The following CNTNAP2 variants were observed in gnomAD, a reference collection of about 807,000 sequenced individuals.
CNTNAP2 encodes the protein contactin-associated protein-like 2.
Under a neutral mutation model 155.2 loss-of-function variants are expected in CNTNAP2, and 98 were observed. The observed-to-expected ratio is 0.63, with a 90% CI of 0.54 to 0.75. The LOEUF (loss-of-function observed/expected upper bound fraction) is 0.75, where lower values mean the gene tolerates loss of function less well. Among genes scored for constraint, CNTNAP2 ranks in the 30% least tolerant of loss-of-function variants. CNTNAP2 has a pLI of 0.00. For missense variants in CNTNAP2, 1,727 were observed against 1,688.1 expected, an observed-to-expected ratio of 1.02 and a Z score of -0.40; for synonymous variants, 651 against 631.2, an observed-to-expected ratio of 1.03 and a Z score of -0.47.
At chr7:146,536,092 A>C (rs540052481) in intron 1 of CNTNAP2, among the ~76,000 whole-genome samples, 1 of 152,142 alleles carries the variant, frequency 6.6e-6, no homozygotes, top group South Asian at 2.1e-4. Context: ...ATAATGAGAA[A>C]AAAGCAGACA....
At position 147,357,527 on chromosome 7, in the gene CNTNAP2, A is replaced by T. The variant is rs111808625; in HGVS notation, c.1499-38082A>T. ...TACTGAAATGAGTAATATTTTAATA[A>T]TTTTTTTTTGCCCTTTCTTCTTCCA... On this transcript the variant is annotated intron_variant, in intron 9 of 23. Coordinates refer to ENST00000361727, the MANE Select transcript of CNTNAP2 (RefSeq NM_014141.6). Among the ~76,000 whole-genome samples, 231 of 151,456 alleles carry T rather than the reference A, an allele frequency of 1.5e-3. 2 individuals are homozygous for T. The highest frequency in any genetic ancestry group is 5.3e-3 in the African/African-American group (220 of 41,328).
intron 14 of CNTNAP2, among the ~76,000 whole-genome samples, chr7:147,912,276 C>T (rs1433722475): frequency 1.3e-5 from 2 of 152,136 alleles, no homozygotes; most frequent in African/African-American, 4.8e-5. Flanking sequence ...TACACCCAAG[C>T]ACACACAGAT....
In CNTNAP2 at chr7:146,714,298, T is replaced by C. The variant is rs189284646; in HGVS notation, c.98-59973T>C. Among the ~76,000 whole-genome samples, 255 of 152,322 alleles carry C rather than the reference T, an allele frequency of 1.7e-3. 1 individual carries two copies. Among genetic ancestry groups the C allele is most frequent in the African/African-American group, 5.8e-3 (243 of 41,580 alleles). ...TTGCTAGAACGTATTTGTTCACTGC[T>C]TACATTTCCACTGTTACCATGTGCC... On this transcript the variant is annotated intron_variant, in intron 1 of 23. Coordinates refer to ENST00000361727, the MANE Select transcript of CNTNAP2 (RefSeq NM_014141.6).
chr7:146,285,195 A>T (rs950692237), intron 1 of CNTNAP2, among the ~76,000 whole-genome samples: 3 of 152,188 alleles, frequency 2.0e-5, no homozygotes, highest in Non-Finnish European at 2.9e-5. Flanking sequence ...ATAAAGATGC[A>T]ATTGACCCTG....
At chr7:147,078,643 T>C (rs933845093) in intron 4 of CNTNAP2, among the ~76,000 whole-genome samples, 2 of 152,120 alleles carry the variant, frequency 1.3e-5, no homozygotes, top group Non-Finnish European at 2.9e-5. Flanking sequence ...CACGATGGTC[T>C]AACACAGACA....
intron 1 of CNTNAP2, among the ~76,000 whole-genome samples, chr7:146,679,004 G>T (rs1201432588): frequency 6.6e-6 from 1 of 152,042 alleles, no homozygotes; most frequent in Non-Finnish European, 1.5e-5. Flanking sequence ...GGAATATTAG[G>T]TGTTCTTTGT....
chr7:147,562,636 G>T (rs2074712), intron 12 of CNTNAP2, among the ~76,000 whole-genome samples: 1 of 152,060 alleles, frequency 6.6e-6, no homozygotes, highest in Non-Finnish European at 1.5e-5. Flanking sequence ...CTTTTAGATC[G>T]TGACAGACCT....
rs202150718 is a variant in CNTNAP2, at chr7:146,671,429, T to A, written c.98-102842T>A. On this transcript the variant is annotated intron_variant, in intron 1 of 23. Coordinates refer to ENST00000361727, the MANE Select transcript of CNTNAP2 (RefSeq NM_014141.6). ...CCCTGTTTCTCTCTTTTTTTGTCAC[T>A]CACACACACACACACACACACACGG... 4.7e-3 allele frequency among the ~76,000 whole-genome samples: 693 copies of A among 148,390 alleles called. 7 individuals are homozygous for A. Among genetic ancestry groups the A allele is most frequent in the African/African-American group, 0.015 (612 of 40,628 alleles).
At chr7:146,847,956 CCCATTTTTGTCT>C in intron 3 of CNTNAP2, among the ~76,000 whole-genome samples, 1 of 152,202 alleles carries the variant, frequency 6.6e-6, no homozygotes, top group South Asian at 2.1e-4. Context: ...AAAGAAATAA[CCCATTTTTGTCT>C]ACAGTACTTC....
chr7:146,398,973 C>G (rs1334097222), intron 1 of CNTNAP2, among the ~76,000 whole-genome samples: 1 of 151,976 alleles, frequency 6.6e-6, no homozygotes, highest in Admixed American at 6.6e-5. Flanking sequence ...TGAACTTTCT[C>G]TTTCCTCTGT....
intron 1 of CNTNAP2, among the ~76,000 whole-genome samples, chr7:146,482,626 C>T (rs941711497): frequency 6.6e-6 from 1 of 151,712 alleles, no homozygotes; most frequent in Non-Finnish European, 1.5e-5. Flanking sequence ...ACCTGTAATC[C>T]CAGCTACTCG....
At chr7:146,785,194 G>A (rs540995843) in intron 2 of CNTNAP2, among the ~76,000 whole-genome samples, 57 of 151,728 alleles carry the variant, frequency 3.8e-4, no homozygotes, top group African/African-American at 1.2e-3. Flanking sequence ...GGCTGGTCTC[G>A]AACTCCTGCA....
At position 146,499,194 on chromosome 7, in the gene CNTNAP2, A is replaced by G. The variant is rs188302586; in HGVS notation, c.98-275077A>G. Among the ~76,000 whole-genome samples the G allele has an allele frequency of 4.9e-3, 748 of 152,120 alleles. 3 individuals carry two copies. Among genetic ancestry groups the G allele is most frequent in the African/African-American group, 0.017 (703 of 41,514 alleles). ...CTAATTTATTTAGCTGAATATATAT[A>G]TTTATTTAGACAGAGTTTTGCTCTC... On this transcript the variant is annotated intron_variant, in intron 1 of 23. Coordinates refer to ENST00000361727, the MANE Select transcript of CNTNAP2 (RefSeq NM_014141.6).
At chr7:146,252,668 C>T (rs573733422) in intron 1 of CNTNAP2, among the ~76,000 whole-genome samples, 9 of 152,216 alleles carry the variant, frequency 5.9e-5, no homozygotes, top group Admixed American at 3.3e-4. Flanking sequence ...TCAAAATATT[C>T]GCCCCTTTTC....
chr7:146,191,762 G>T (rs1299832746), intron 1 of CNTNAP2, among the ~76,000 whole-genome samples: 1 of 152,116 alleles, frequency 6.6e-6, no homozygotes, highest in African/African-American at 2.4e-5. Context: ...GCTCTGTTCT[G>T]CCCGGCTCTC....
chr7:147,034,944 C>T (rs1236511596), intron 3 of CNTNAP2, among the ~76,000 whole-genome samples: 1 of 151,212 alleles, frequency 6.6e-6, no homozygotes. Context: ...ACAGAAATGC[C>T]TGTCTGCACT....
At chr7:148,067,629 A>G (rs902037067) in intron 15 of CNTNAP2, among the ~76,000 whole-genome samples, 1 of 152,192 alleles carries the variant, frequency 6.6e-6, no homozygotes, top group Non-Finnish European at 1.5e-5. Context: ...CTTTTAAGAG[A>G]GCATCAGCTG....
intron 15 of CNTNAP2, among the ~76,000 whole-genome samples, chr7:148,114,872 T>A (rs911697430): frequency 6.6e-6 from 1 of 152,228 alleles, no homozygotes; most frequent in African/African-American, 2.4e-5. Flanking sequence ...ATCATCTGCC[T>A]GAGCCCCAGT....
At chr7:147,091,487 C>G (rs1800402498) in intron 4 of CNTNAP2, among the ~76,000 whole-genome samples, 1 of 152,150 alleles carries the variant, frequency 6.6e-6, no homozygotes, top group South Asian at 2.1e-4. Context: ...GAGTCTCGCT[C>G]TATCACCAGG....
Sources: gnomAD v4.1 joint callset for allele counts (sites outside exome capture counted in the v4.1 genomes callset) on GRCh38, gnomAD v4.1.1 for gene constraint, MANE v1.5 for transcripts, NCBI Gene and HGNC (gene_info 2026-07-23, HGNC 2026-07-21) for gene names.